The following TRPM3 variants were observed in gnomAD, a reference collection of about 807,000 sequenced individuals.
The protein encoded by TRPM3 is transient receptor potential cation channel subfamily M member 3, also known as long transient receptor potential channel 3.
TRPM3 carries 77 observed loss-of-function variants against 181.2 expected under a neutral mutation model. The ratio of observed to expected loss-of-function variants is 0.42; its 90% CI spans 0.35 to 0.51. The LOEUF (loss-of-function observed/expected upper bound fraction) is 0.51. Among genes scored for constraint, TRPM3 ranks in the 20% least tolerant of loss-of-function variants. TRPM3 has a pLI of 0.01. For synonymous variants in TRPM3, 745 were observed against 796.4 expected (o/e 0.94, Z 1.09); for missense variants, 1,759 against 2,196.7 (o/e 0.80, Z 3.98).
upstream of TRPM3, among the ~76,000 whole-genome samples, chr9:71,124,474 A>G (rs1323169183): frequency 1.3e-5 from 2 of 152,152 alleles, no homozygotes; most frequent in East Asian, 3.9e-4. Flanking sequence ...TCAGTATCCT[A>G]AAAAATAGCA....
At chr9:71,279,673 C>T (rs2084541816) in intron 1 of TRPM3, among the ~76,000 whole-genome samples, 1 of 152,082 alleles carries the variant, frequency 6.6e-6, no homozygotes, top group Non-Finnish European at 1.5e-5. Flanking sequence ...CAGAGGACAA[C>T]CTCTAAGGAA....
chr9:71,043,715 G>A (rs2059094978), intron 1 of TRPM3, among the ~76,000 whole-genome samples: 1 of 152,144 alleles, frequency 6.6e-6, no homozygotes, highest in South Asian at 2.1e-4. Flanking sequence ...GAAATTTTCT[G>A]GCTTCACTGC....
chr9:70,652,065 T>A (rs139468474), intron 9 of TRPM3, among the ~76,000 whole-genome samples: 7 of 152,074 alleles, frequency 4.6e-5, no homozygotes, highest in African/African-American at 1.4e-4. Context: ...GGGGTTGATA[T>A]GACAGATATT....
intron 14 of TRPM3, among the ~76,000 whole-genome samples, chr9:70,624,352 C>T (rs1188639460): frequency 6.6e-6 from 1 of 152,156 alleles, no homozygotes; most frequent in Non-Finnish European, 1.5e-5. Flanking sequence ...GGGCTACTCA[C>T]AGGCACTATA....
intron 1 of TRPM3, chr9:71,446,510 G>T: frequency 1.2e-6 from 1 of 828,654 alleles, no homozygotes; most frequent in Non-Finnish European, 1.8e-6. Flanking sequence ...ACAGCCCCCA[G>T]CACTCTATTT....
At chr9:71,147,424 GACACAC>G (rs34795244) in intron 1 of TRPM3, among the ~76,000 whole-genome samples, 10 of 145,040 alleles carry the variant, frequency 6.9e-5, no homozygotes, top group Middle Eastern at 3.4e-3. Context: ...GCAACACACA[GACACAC>G]ACACACACAC....
At chr9:70,687,204 A>G (rs78662772) in intron 8 of TRPM3, among the ~76,000 whole-genome samples, 2,409 of 152,236 alleles carry the variant, frequency 0.016, 62 homozygotes, top group African/African-American at 0.055. Context: ...CACTTATAGA[A>G]TCTGCTGAGG....
At chr9:70,895,005 C>A (rs773685134) in intron 1 of TRPM3, among the ~76,000 whole-genome samples, 11 of 152,122 alleles carry the variant, frequency 7.2e-5, no homozygotes, top group Non-Finnish European at 1.5e-4. Context: ...GATACCTTAT[C>A]TTTTAAGAGC....
At chr9:71,137,317 C>T (rs982750219) in intron 1 of TRPM3, among the ~76,000 whole-genome samples, 7 of 152,104 alleles carry the variant, frequency 4.6e-5, no homozygotes, top group Admixed American at 3.9e-4. Flanking sequence ...TTTTGTATAT[C>T]GCTTCTCCCT....
intron 1 of TRPM3, among the ~76,000 whole-genome samples, chr9:71,383,156 C>T (rs2092841885): frequency 6.6e-6 from 1 of 152,100 alleles, no homozygotes; most frequent in South Asian, 2.1e-4. Context: ...TTTACACCAG[C>T]ATTTTATATC....
At chr9:71,268,336 C>T (rs527376905) in intron 1 of TRPM3, among the ~76,000 whole-genome samples, 9 of 151,952 alleles carry the variant, frequency 5.9e-5, no homozygotes, top group South Asian at 4.2e-4. Context: ...GCCGTGATCA[C>T]GCCACTGCTC....
chr9:71,348,901 G>A lies in TRPM3; in HGVS notation c.183+97752C>T, dbSNP rs72735824. 3.0e-4 allele frequency among the ~76,000 whole-genome samples: 46 copies of A among 152,250 alleles called. No homozygotes were observed. In the South Asian group the frequency reaches 9.3e-3, roughly 31 times the overall value. On this transcript the variant is annotated intron_variant, in intron 1 of 24. Transcript: ENST00000357533. ...TGATTATTTATGACAGAATGAGAAT[G>A]TAAGTTAGTTATTCCTAGAATGGCC...
At chr9:71,096,590 A>ACACACACTCTCT (rs1452142664) in intron 1 of TRPM3, among the ~76,000 whole-genome samples, 229 of 90,038 alleles carry the variant, frequency 2.5e-3, no homozygotes, top group African/African-American at 2.7e-3. Flanking sequence ...ACACACACAC[A>ACACACACTCTCT]CTCTCTCTCT....
chr9:70,875,958 A>G (rs753119293), intron 1 of TRPM3, among the ~76,000 whole-genome samples: 1 of 151,906 alleles, frequency 6.6e-6, no homozygotes, highest in Non-Finnish European at 1.5e-5. Context: ...AAATTACTAA[A>G]TTGTTAGGTA....
At position 70,598,623 on chromosome 9, in the gene TRPM3, C is replaced by T; in HGVS notation, c.2844G>A (p.Trp948Ter). The T allele has an allele frequency of 6.2e-7, 1 of 1,614,150 alleles. No individual in the cohort carries two copies. The highest frequency in any genetic ancestry group is 8.5e-7 in the Non-Finnish European group (1 of 1,180,008). ...PGKLLQKVKV[W>*]LQEYWNVTDL... is the part of the protein sequence containing the mutation. ...CCGTGACATTCCAGTACTCCTGCAG[C>T]CATACCTTCACTTTCTGTAGCAACT... The change falls in exon 21 of 26, where the codon TGG (tryptophan) becomes TGA (stop). Residue 948 changes from tryptophan (W) to a stop codon, truncating the protein, a stop_gained. Coordinates refer to ENST00000677713, the MANE Select transcript of TRPM3 (RefSeq NM_001366145.2). LOFTEE classifies it high-confidence loss of function.
At chr9:70,986,722 T>A (rs1055622989) in intron 1 of TRPM3, among the ~76,000 whole-genome samples, 6 of 152,130 alleles carry the variant, frequency 3.9e-5, no homozygotes, top group African/African-American at 1.4e-4. Flanking sequence ...CCAAAATATA[T>A]GTGAGTAAAA....
At chr9:71,290,889 G>T (rs914077150) in intron 1 of TRPM3, among the ~76,000 whole-genome samples, 1 of 151,498 alleles carries the variant, frequency 6.6e-6, no homozygotes, top group Admixed American at 6.6e-5. Flanking sequence ...AATGGAAAGA[G>T]AAAAAAGTTG....
At chr9:71,241,335 G>A (rs1226074925) in intron 1 of TRPM3, among the ~76,000 whole-genome samples, 2 of 152,020 alleles carry the variant, frequency 1.3e-5, no homozygotes, top group African/African-American at 4.8e-5. Context: ...TTTCTTAACT[G>A]AATCTAGCCA....
At chr9:70,972,781 T>C (rs1433717985) in intron 1 of TRPM3, among the ~76,000 whole-genome samples, 1 of 152,160 alleles carries the variant, frequency 6.6e-6, no homozygotes, top group Non-Finnish European at 1.5e-5. Context: ...GTAATACTTG[T>C]AAGGCTTTGT....
Sources: gnomAD v4.1 joint callset for allele counts (sites outside exome capture counted in the v4.1 genomes callset) on GRCh38, gnomAD v4.1.1 for gene constraint, MANE v1.5 for transcripts, NCBI Gene and HGNC (gene_info 2026-07-23, HGNC 2026-07-21) for gene names.